The following THSD4 variants were observed in gnomAD, a reference collection of about 807,000 sequenced individuals.
The protein encoded by THSD4 is thrombospondin type-1 domain-containing protein 4.
THSD4 carries 69 observed loss-of-function variants against 119.0 expected under a neutral mutation model. The ratio of observed to expected loss-of-function variants is 0.58; its 90% CI spans 0.48 to 0.71. The LOEUF (loss-of-function observed/expected upper bound fraction) is 0.71, where lower values mean the gene tolerates loss of function less well. Ranked by LOEUF, THSD4 falls within the 30% of genes least tolerant of loss-of-function variation. The pLI is 0.00. For synonymous variants in THSD4, 524 were observed against 540.4 expected (o/e 0.97, Z 0.42); for missense variants, 1,393 against 1,391.1 (o/e 1.00, Z -0.02).
At chr15:71,191,792 T>C (rs953786641) in intron 3 of THSD4, among the ~76,000 whole-genome samples, 1 of 152,126 alleles carries the variant, frequency 6.6e-6, no homozygotes, top group Non-Finnish European at 1.5e-5. Context: ...TACTCCCAGG[T>C]CTCCGGGTCT....
intron 9 of THSD4, 118 bp downstream of exon 9, chr15:71,728,842 C>T: frequency 7.3e-7 from 1 of 1,377,468 alleles, no homozygotes; most frequent in Non-Finnish European, 1.0e-6. Context: ...ACCCTTTGAG[C>T]AGAGCCTGTT....
chr15:71,629,055 G>T (rs763109100), intron 7 of THSD4, among the ~76,000 whole-genome samples: 1 of 152,210 alleles, frequency 6.6e-6, no homozygotes, highest in Non-Finnish European at 1.5e-5. Context: ...GTTTGGTTAC[G>T]TTTGTAACTT....
In THSD4 at chr15:71,199,519, G is replaced by GT. The variant is rs1181402426; in HGVS notation, c.100-15515dup. Among the ~76,000 whole-genome samples the GT allele has an allele frequency of 2.1e-5, 3 of 146,224 alleles. No homozygotes were observed. In the East Asian group the frequency reaches 6.2e-4, roughly 30 times the overall value. ...TGTGGTGTGTGTGTGTGTGTGGGGT[G>GT]TGTGTGGGGTGTGTGGTGTGTGTAT... On this transcript the variant is annotated intron_variant, in intron 3 of 17. Coordinates refer to ENST00000261862, the MANE Select transcript of THSD4 (RefSeq NM_024817.3).
intron 7 of THSD4, among the ~76,000 whole-genome samples, chr15:71,566,297 A>G (rs1002840867): frequency 6.6e-6 from 1 of 152,108 alleles, no homozygotes; most frequent in African/African-American, 2.4e-5. Context: ...TACTTTTGAA[A>G]TAGCTATAAG....
At chr15:71,382,201 A>T (rs2046237471) in intron 6 of THSD4, among the ~76,000 whole-genome samples, 1 of 152,182 alleles carries the variant, frequency 6.6e-6, no homozygotes, top group African/African-American at 2.4e-5. Flanking sequence ...CCTAAGAAAG[A>T]CAACATGAAG....
At chr15:71,605,663 G>A (rs927827142) in intron 7 of THSD4, among the ~76,000 whole-genome samples, 2 of 152,190 alleles carry the variant, frequency 1.3e-5, no homozygotes, top group Non-Finnish European at 2.9e-5. Flanking sequence ...AGGAAAGATC[G>A]AGAACTAGAT....
intron 6 of THSD4, among the ~76,000 whole-genome samples, chr15:71,354,475 G>A (rs990421959): frequency 3.3e-5 from 5 of 152,160 alleles, no homozygotes; most frequent in African/African-American, 7.2e-5. Context: ...GTCAACCCAG[G>A]TGGAGACTTT....
intron 2 of THSD4, among the ~76,000 whole-genome samples, chr15:71,150,808 T>C (rs1177652752): frequency 6.6e-6 from 1 of 152,194 alleles, no homozygotes; most frequent in Non-Finnish European, 1.5e-5. Context: ...GAAGTGGCTT[T>C]GGACATTTTC....
At chr15:71,500,111 G>A (rs537399794) in intron 7 of THSD4, among the ~76,000 whole-genome samples, 1 of 152,062 alleles carries the variant, frequency 6.6e-6, no homozygotes, top group South Asian at 2.1e-4. Flanking sequence ...AGTGTACATG[G>A]GTTCCAATTT....
At chr15:71,235,739 C>T (rs2044099352) in intron 4 of THSD4, among the ~76,000 whole-genome samples, 1 of 152,054 alleles carries the variant, frequency 6.6e-6, no homozygotes, top group African/African-American at 2.4e-5. Context: ...CAGGTGTGCA[C>T]CCATCACGCC....
chr15:71,319,958 C>T (rs142018632), intron 6 of THSD4, among the ~76,000 whole-genome samples: 208 of 152,246 alleles, frequency 1.4e-3, no homozygotes, highest in African/African-American at 4.7e-3. Context: ...TTTAAAAGGA[C>T]GGTATGGTAA....
chr15:71,439,060 T>G (rs1244241492), intron 7 of THSD4, among the ~76,000 whole-genome samples: 1 of 152,092 alleles, frequency 6.6e-6, no homozygotes, highest in African/African-American at 2.4e-5. Flanking sequence ...AATAGAGAAC[T>G]GGAAAATTTA....
intron 6 of THSD4, among the ~76,000 whole-genome samples, chr15:71,264,018 G>T (rs867529854): frequency 9.2e-5 from 14 of 152,096 alleles, no homozygotes; most frequent in Non-Finnish European, 1.6e-4. Context: ...AGCCACTTCA[G>T]TCAAGATCTA....
chr15:71,319,066 C>A (rs2045230070), intron 6 of THSD4, among the ~76,000 whole-genome samples: 1 of 152,196 alleles, frequency 6.6e-6, no homozygotes, highest in African/African-American at 2.4e-5. Context: ...GTAACAATTA[C>A]TTGTGCTGGA....
At chr15:71,192,576 G>A (rs1189710309) in intron 3 of THSD4, among the ~76,000 whole-genome samples, 4 of 152,148 alleles carry the variant, frequency 2.6e-5, no homozygotes, top group African/African-American at 7.2e-5. Context: ...CACCGCGCTT[G>A]GCTCCTTTGG....
chr15:71,161,472 T>C (rs947405627), intron 3 of THSD4, among the ~76,000 whole-genome samples: 7 of 152,102 alleles, frequency 4.6e-5, no homozygotes, highest in Non-Finnish European at 2.9e-5. Context: ...TATCCTCTTA[T>C]TGAAGTGACC....
rs145240263 is a variant in THSD4, at chr15:71,469,442, AG to A, written c.1152+57620del. Among the ~76,000 whole-genome samples the A allele has an allele frequency of 1.3e-3, 195 of 152,312 alleles. 3 individuals carry two copies. The highest frequency in any genetic ancestry group is 4.5e-3 in the African/African-American group (186 of 41,562). ...AGCAACCCATGGAGAACAGTGAGAC[AG>A]CAATGCGAGAATGTCCGTGGCCTAG... On this transcript the variant is annotated intron_variant, in intron 7 of 17. Coordinates refer to ENST00000261862, the MANE Select transcript of THSD4 (RefSeq NM_024817.3).
intron 7 of THSD4, among the ~76,000 whole-genome samples, chr15:71,566,957 G>C (rs1464503798): frequency 6.6e-6 from 1 of 152,024 alleles, no homozygotes; most frequent in African/African-American, 2.4e-5. Context: ...TTATGCCAAG[G>C]AATCTTGGAA....
At chr15:71,310,582 A>G (rs1456265495) in intron 6 of THSD4, among the ~76,000 whole-genome samples, 2 of 152,180 alleles carry the variant, frequency 1.3e-5, no homozygotes, top group South Asian at 2.1e-4. Context: ...CTGCCTATCT[A>G]GATTCTTCTT....
Sources: gnomAD v4.1 joint callset for allele counts (sites outside exome capture counted in the v4.1 genomes callset) on GRCh38, gnomAD v4.1.1 for gene constraint, MANE v1.5 for transcripts, NCBI Gene and HGNC (gene_info 2026-07-23, HGNC 2026-07-21) for gene names.